The following TENM3 variants were observed in gnomAD, a reference collection of about 807,000 sequenced individuals.
The protein encoded by TENM3 is teneurin-3.
In TENM3, 63 loss-of-function variants were observed where a neutral mutation model predicts 255.1. That is an observed-to-expected ratio of 0.25 (90% confidence interval 0.20 to 0.30). TENM3 has a LOEUF of 0.30. Ranked by LOEUF, TENM3 falls within the 10% of genes least tolerant of loss-of-function variation. The probability of loss-of-function intolerance (pLI) is 1.00; values close to 1 mark genes in which losing one functional copy is unlikely to be tolerated. For synonymous variants in TENM3, 1,306 were observed against 1,322.3 expected, an observed-to-expected ratio of 0.99 and a Z score of 0.27; for missense variants, 2,929 against 3,461.1, an observed-to-expected ratio of 0.85 and a Z score of 3.86.
At chr4:181,780,144 A>G in the TENM3 span, among the ~76,000 whole-genome samples, 3 of 152,224 alleles carry the variant, frequency 2.0e-5, no homozygotes, top group Admixed American at 2.0e-4. Flanking sequence ...TCCTTTGGGT[A>G]TATCCCCAGT....
intron 3 of TENM3, among the ~76,000 whole-genome samples, chr4:182,425,594 A>G (rs1771143965): frequency 6.6e-6 from 1 of 152,236 alleles, no homozygotes; most frequent in Non-Finnish European, 1.5e-5. Context: ...ATGGTTAGCC[A>G]TGATCAGATT....
At chr4:182,743,908 G>A (rs1761792905) in intron 19 of TENM3, among the ~76,000 whole-genome samples, 1 of 151,984 alleles carries the variant, frequency 6.6e-6, no homozygotes, top group Non-Finnish European at 1.5e-5. Flanking sequence ...GTAACATATT[G>A]TCTTTGCTTT....
the TENM3 span, among the ~76,000 whole-genome samples, chr4:181,709,848 T>G: frequency 2.0e-5 from 3 of 152,126 alleles, no homozygotes. Context: ...GGGAGTAGCA[T>G]ATGGGAGAAA....
the TENM3 span, among the ~76,000 whole-genome samples, chr4:181,689,555 G>C: frequency 1.3e-5 from 2 of 152,110 alleles, no homozygotes; most frequent in Non-Finnish European, 2.9e-5. Flanking sequence ...GGGTTGCGGG[G>C]AGCAGATGGA....
the TENM3 span, among the ~76,000 whole-genome samples, chr4:181,468,370 T>A: frequency 6.6e-6 from 1 of 152,238 alleles, no homozygotes; most frequent in Non-Finnish European, 1.5e-5. Context: ...TCCTTTATTT[T>A]CTTTTTTACA....
At chr4:181,584,101 C>T in the TENM3 span, among the ~76,000 whole-genome samples, 2 of 152,132 alleles carry the variant, frequency 1.3e-5, no homozygotes, top group African/African-American at 4.8e-5. Flanking sequence ...GTAGCACTGA[C>T]ATATTCATAG....
At chr4:182,363,572 A>G (rs776807943) in intron 3 of TENM3, among the ~76,000 whole-genome samples, 1 of 152,142 alleles carries the variant, frequency 6.6e-6, no homozygotes, top group South Asian at 2.1e-4. Context: ...ATAAAATTAT[A>G]TAATCAGATT....
At chr4:182,729,716 T>A (rs1760534839) in intron 14 of TENM3, among the ~76,000 whole-genome samples, 1 of 152,202 alleles carries the variant, frequency 6.6e-6, no homozygotes, top group Non-Finnish European at 1.5e-5. Context: ...AACTCCTGGG[T>A]CTGCAGTAAT....
At chr4:182,256,418 C>T (rs939127412) in intron 1 of TENM3, among the ~76,000 whole-genome samples, 5 of 152,192 alleles carry the variant, frequency 3.3e-5, no homozygotes, top group African/African-American at 9.7e-5. Flanking sequence ...AAGGTCATAA[C>T]CATCCCACTG....
chr4:181,908,060 T>C, the TENM3 span, among the ~76,000 whole-genome samples: 3 of 152,202 alleles, frequency 2.0e-5, no homozygotes, highest in Non-Finnish European at 4.4e-5. Context: ...AATGGTCGTA[T>C]GTTTATATTT....
At chr4:182,424,712 G>A (rs558690930) in intron 3 of TENM3, among the ~76,000 whole-genome samples, 8 of 152,102 alleles carry the variant, frequency 5.3e-5, no homozygotes, top group South Asian at 2.1e-4. Context: ...GTTTGCTAGC[G>A]GCAAGATAGG....
chr4:181,538,466 G>A, the TENM3 span, among the ~76,000 whole-genome samples: 1 of 152,080 alleles, frequency 6.6e-6, no homozygotes, highest in Non-Finnish European at 1.5e-5. Context: ...GGATGGGGAG[G>A]GGGGCGTGGT....
chr4:182,503,939 TTC>T (rs1270725786), intron 3 of TENM3, among the ~76,000 whole-genome samples: 7 of 152,176 alleles, frequency 4.6e-5, no homozygotes, highest in African/African-American at 1.2e-4. Context: ...CTCTTCTATT[TTC>T]TGTTTCCCTT....
intron 24 of TENM3, among the ~76,000 whole-genome samples, chr4:182,782,361 G>A (rs1369765520): frequency 1.6e-4 from 20 of 128,082 alleles, no homozygotes; most frequent in East Asian, 4.3e-4. Context: ...GTAGTTGAGC[G>A]GTTTTGAGTG....
chr4:182,147,838 A>G (rs1489361692), intron 1 of TENM3, among the ~76,000 whole-genome samples: 3 of 152,178 alleles, frequency 2.0e-5, no homozygotes, highest in African/African-American at 7.2e-5. Flanking sequence ...CCGTAGGAAA[A>G]TTGAACACAT....
chr4:181,601,553 T>A, the TENM3 span, among the ~76,000 whole-genome samples: 1 of 152,182 alleles, frequency 6.6e-6, no homozygotes, highest in South Asian at 2.1e-4. Flanking sequence ...ATAAGGACAT[T>A]GCAGTGGGAG....
At chr4:182,164,395 G>A (rs942025926) in intron 1 of TENM3, among the ~76,000 whole-genome samples, 2 of 152,120 alleles carry the variant, frequency 1.3e-5, no homozygotes, top group African/African-American at 2.4e-5. Flanking sequence ...TGCTTTCTAA[G>A]TATCTCAAAA....
At chr4:181,919,377 G>A in the TENM3 span, among the ~76,000 whole-genome samples, 1 of 150,276 alleles carries the variant, frequency 6.7e-6, no homozygotes, top group African/African-American at 2.4e-5. Context: ...CAAAGCAGGT[G>A]TGTGTGTGTG....
chr4:182,075,184 G>T, the TENM3 span, among the ~76,000 whole-genome samples: 1 of 148,786 alleles, frequency 6.7e-6, no homozygotes, highest in Non-Finnish European at 1.5e-5. Context: ...TAAAACAGTG[G>T]ACACTTGTTT....
Sources: allele counts gnomAD v4.1 joint callset (sites outside exome capture counted in the v4.1 genomes callset), GRCh38; gene constraint gnomAD v4.1.1; transcripts MANE v1.5; gene names NCBI Gene and HGNC (gene_info 2026-07-23, HGNC 2026-07-21).